MLLT10: variants seen among roughly 807,000 people sequenced by gnomAD.
MLLT10 encodes protein AF-10.
In MLLT10, 30 loss-of-function variants were observed where a neutral mutation model predicts 129.1. The observed-to-expected ratio is 0.23, with a 90% CI of 0.17 to 0.32. The LOEUF is 0.32. MLLT10 is among the 10% of genes least tolerant of loss of function. The probability of loss-of-function intolerance (pLI) is 1.00; values close to 1 mark genes in which losing one functional copy is unlikely to be tolerated. For synonymous variants in MLLT10, 490 were observed against 446.4 expected, an observed-to-expected ratio of 1.10 and a Z score of -1.23; for missense variants, 1,119 against 1,268.3, an observed-to-expected ratio of 0.88 and a Z score of 1.79.
intron 14 of MLLT10, among the ~76,000 whole-genome samples, chr10:21,714,219 C>CT (rs2056357293): frequency 6.6e-6 from 1 of 151,924 alleles, no homozygotes; most frequent in African/African-American, 2.4e-5. Flanking sequence ...TTCAGGGGAG[C>CT]TTTTATTCTT....
chr10:21,648,378 T>C (rs529360385), intron 8 of MLLT10, among the ~76,000 whole-genome samples: 1 of 152,336 alleles, frequency 6.6e-6, no homozygotes, highest in East Asian at 1.9e-4. Context: ...TTTACATCTC[T>C]ATATTGTATG....
chr10:21,591,587 A>G (rs1292237500), intron 4 of MLLT10, among the ~76,000 whole-genome samples: 1 of 152,106 alleles, frequency 6.6e-6, no homozygotes, highest in Non-Finnish European at 1.5e-5. Context: ...AATTATATTA[A>G]ATTGCCTTAA....
chr10:21,649,652 G>C (rs984907361), intron 8 of MLLT10, among the ~76,000 whole-genome samples: 2 of 152,220 alleles, frequency 1.3e-5, no homozygotes, highest in Non-Finnish European at 2.9e-5. Flanking sequence ...GAGTACCTCA[G>C]TTCACCCTGT....
intron 9 of MLLT10, chr10:21,668,922 G>T: frequency 4.7e-6 from 6 of 1,272,630 alleles, no homozygotes; most frequent in Non-Finnish European, 5.1e-6. Flanking sequence ...ACTAGGTCAT[G>T]CAAGGATCAG....
chr10:21,648,289 T>C (rs1221614652), intron 8 of MLLT10, among the ~76,000 whole-genome samples: 3 of 152,214 alleles, frequency 2.0e-5, no homozygotes, highest in Non-Finnish European at 4.4e-5. Flanking sequence ...CTTGTAATGC[T>C]CATTGCAGGA....
At position 21,626,149 on chromosome 10, in the gene MLLT10, T is replaced by G. The variant is rs2046410772; in HGVS notation, c.699+8942T>G. The G allele has an allele frequency of 2.5e-6, 4 of 1,610,366 alleles. No individual in the cohort carries two copies. The Admixed American group carries it at 5.0e-5, about 20-fold the overall frequency. Reference sequence around the variant, plus strand: ...GCCTGTAGGTCTTCATAACTCCACATAAAAATGCACTTTTGTTCTGAACAT... The same window carrying G: ...GCCTGTAGGTCTTCATAACTCCACAGAAAAATGCACTTTTGTTCTGAACAT... On this transcript the variant is annotated intron_variant, in intron 8 of 22. Transcript: ENST00000307729.
intron 11 of MLLT10, among the ~76,000 whole-genome samples, chr10:21,674,927 A>G (rs575497722): frequency 1.3e-5 from 2 of 152,354 alleles, no homozygotes; most frequent in East Asian, 1.9e-4. Flanking sequence ...AAAATTTTAG[A>G]TTGTTTTAAT....
intron 6 of MLLT10, among the ~76,000 whole-genome samples, chr10:21,614,028 C>T (rs766820616): frequency 6.6e-5 from 10 of 151,654 alleles, no homozygotes; most frequent in Non-Finnish European, 1.2e-4. Flanking sequence ...GTCTGGGCAA[C>T]ATAGCAAGAC....
chr10:21,647,793 A>T (rs1442101349), intron 8 of MLLT10, among the ~76,000 whole-genome samples: 1 of 151,452 alleles, frequency 6.6e-6, no homozygotes, highest in Non-Finnish European at 1.5e-5. Context: ...AGAATTTTTA[A>T]TTTTACCGTC....
intron 8 of MLLT10, among the ~76,000 whole-genome samples, chr10:21,638,271 C>CGGG (rs2047650988): frequency 3.6e-5 from 3 of 82,910 alleles, no homozygotes; most frequent in African/African-American, 1.6e-4. Context: ...GGGAGGGGGG[C>CGGG]GGGGGCACTA....
chr10:21,535,620 C>T (rs541757460), intron 2 of MLLT10, among the ~76,000 whole-genome samples: 1 of 152,324 alleles, frequency 6.6e-6, no homozygotes, highest in South Asian at 2.1e-4. Context: ...TAGTAAGATA[C>T]TTTTCTGGCC....
chr10:21,621,762 A>G (rs895333024), intron 8 of MLLT10, among the ~76,000 whole-genome samples: 37 of 152,150 alleles, frequency 2.4e-4, no homozygotes, highest in African/African-American at 8.0e-4. Flanking sequence ...AGAGAAGACC[A>G]GTTTCATTTC....
intron 14 of MLLT10, among the ~76,000 whole-genome samples, chr10:21,721,034 A>G (rs546733288): frequency 1.6e-4 from 24 of 152,324 alleles, no homozygotes; most frequent in South Asian, 1.0e-3. Context: ...TCCTGAAAGT[A>G]TATACGAATT....
chr10:21,555,846 T>C (rs942467586), intron 3 of MLLT10, among the ~76,000 whole-genome samples: 2 of 151,286 alleles, frequency 1.3e-5, no homozygotes, highest in East Asian at 3.9e-4. Flanking sequence ...TTTGTATTTT[T>C]AGTAGGAACA....
chr10:21,682,005 T>C (rs909416008), intron 12 of MLLT10, among the ~76,000 whole-genome samples: 3 of 152,220 alleles, frequency 2.0e-5, no homozygotes, highest in African/African-American at 7.2e-5. Flanking sequence ...TACCTTAACA[T>C]ATCTCAATTT....
chr10:21,617,654 G>T (rs779970404), intron 8 of MLLT10, among the ~76,000 whole-genome samples: 3 of 151,764 alleles, frequency 2.0e-5, no homozygotes, highest in Non-Finnish European at 4.4e-5. Context: ...TTTTCTAGTG[G>T]CTACATGTCA....
chr10:21,740,297 G>A (rs1201482781), intron 22 of MLLT10, 61 bp downstream of exon 22: 20 of 1,540,432 alleles, frequency 1.3e-5, no homozygotes, highest in Non-Finnish European at 1.7e-5. Flanking sequence ...AATCGGAGAT[G>A]ATCATTTTCC....
At chr10:21,593,099 A>ATTTTTTTTTTT (rs34081128) in intron 4 of MLLT10, among the ~76,000 whole-genome samples, 2 of 146,018 alleles carry the variant, frequency 1.4e-5, no homozygotes, top group Non-Finnish European at 3.0e-5. Flanking sequence ...CCACCCATTG[A>ATTTTTTTTTTT]TTTTTTTTTT....
In MLLT10 at chr10:21,659,594, T is replaced by G. The variant is rs1589478948; in HGVS notation, c.795+7826T>G. ...GGTGTGATCTCGGCTCACTGCAGTC[T>G]TTGCCTCCTGGGTTCAAGGGATTCT... On this transcript the variant is annotated intron_variant, in intron 9 of 22. Transcript: ENST00000307729. Among the ~76,000 whole-genome samples, 11 of 151,074 alleles carry G rather than the reference T, an allele frequency of 7.3e-5. 5 individuals are homozygous for G. The highest frequency in any genetic ancestry group is 7.2e-4 in the Admixed American group (11 of 15,192).
Sources: allele counts gnomAD v4.1 joint callset (sites outside exome capture counted in the v4.1 genomes callset), GRCh38; gene constraint gnomAD v4.1.1; transcripts MANE v1.5; gene names NCBI Gene and HGNC (gene_info 2026-07-23, HGNC 2026-07-21).